The following KDM4C variants were observed in gnomAD, a reference collection of about 807,000 sequenced individuals.
The protein encoded by KDM4C is lysine demethylase 4C.
KDM4C carries 81 observed loss-of-function variants against 129.3 expected under a neutral mutation model. That is an observed-to-expected ratio of 0.63 (90% CI 0.52 to 0.75). KDM4C has a LOEUF of 0.75. Among genes scored for constraint, KDM4C ranks in the 30% least tolerant of loss-of-function variants. The pLI is 0.00. For synonymous variants in KDM4C, 573 were observed against 456.1 expected (o/e 1.26, Z -3.26); for missense variants, 1,457 against 1,304.0 (o/e 1.12, Z -1.81).
At chr9:6,950,575 G>A (rs1266822099) in intron 8 of KDM4C, among the ~76,000 whole-genome samples, 1 of 152,160 alleles carries the variant, frequency 6.6e-6, no homozygotes, top group Non-Finnish European at 1.5e-5. Context: ...TTAGCAATTA[G>A]ATGATCATCA....
intron 17 of KDM4C, among the ~76,000 whole-genome samples, chr9:7,062,133 C>T (rs188282823): frequency 3.4e-4 from 52 of 152,180 alleles, no homozygotes; most frequent in African/African-American, 1.2e-3. Context: ...ACACACTGGC[C>T]AATTTTTTGT....
intron 5 of KDM4C, among the ~76,000 whole-genome samples, chr9:6,855,860 GC>G (rs1239854797): frequency 6.6e-6 from 1 of 152,168 alleles, no homozygotes; most frequent in African/African-American, 2.4e-5. Flanking sequence ...GAGTTGGGGA[GC>G]CCCACTATTC....
Position 7,103,812 on chromosome 9 carries a change from A to ATGAC in KDM4C, c.2555_2558dup (p.Trp853Ter). 1.2e-6 allele frequency: 2 copies of ATGAC among 1,614,038 alleles called. No individual in the cohort carries two copies. Among genetic ancestry groups the ATGAC allele is most frequent in the Non-Finnish European group, 1.7e-6 (2 of 1,179,946 alleles). On this transcript the variant is annotated frameshift_variant, in exon 18 of 22. Coordinates refer to ENST00000381309, the MANE Select transcript of KDM4C (RefSeq NM_015061.6). LOFTEE classifies it high-confidence loss of function. ...GCTGCTGGGGTACTGATGGAGCCTG[A>ATGAC]TGACTGGCCTTATGTGGTGAACATT...
At chr9:7,157,386 C>G (rs925236001) in intron 19 of KDM4C, among the ~76,000 whole-genome samples, 2 of 152,184 alleles carry the variant, frequency 1.3e-5, no homozygotes, top group Non-Finnish European at 2.9e-5. Flanking sequence ...ACTTCCAATA[C>G]TATCTTGAAT....
chr9:7,025,378 A>G (rs1434279031), intron 15 of KDM4C, among the ~76,000 whole-genome samples: 1 of 151,992 alleles, frequency 6.6e-6, no homozygotes, highest in African/African-American at 2.4e-5. Context: ...AGAAGTAAGG[A>G]TATGTTCTGC....
At chr9:6,790,924 T>C (rs1471723363) in intron 1 of KDM4C, among the ~76,000 whole-genome samples, 1 of 152,154 alleles carries the variant, frequency 6.6e-6, no homozygotes, top group Non-Finnish European at 1.5e-5. Context: ...CCTGCCTACT[T>C]TCCTACTTTG....
chr9:6,777,032 A>C (rs774762647), intron 1 of KDM4C, among the ~76,000 whole-genome samples: 17 of 152,196 alleles, frequency 1.1e-4, no homozygotes, highest in Non-Finnish European at 2.2e-4. Context: ...TGTATTGTCA[A>C]CTTTTCCAGG....
chr9:7,104,026 T>C, intron 18 of KDM4C, 156 bp downstream of exon 18: 1 of 663,690 alleles, frequency 1.5e-6, no homozygotes, highest in African/African-American at 1.8e-5. Flanking sequence ...TTGCGCACTG[T>C]TATTTCCTGG....
Position 6,835,661 on chromosome 9 carries a change from AT to A in KDM4C, c.436-13840del, listed in dbSNP as rs899889978. ...AACAAGATGAGATTGGCATGGCTTT[AT>A]TTTTTGTTTTGTTTTGTTTTTGTTT... On this transcript the variant is annotated intron_variant, in intron 4 of 21. Transcript: ENST00000381309. 3 of 740,296 alleles carry A rather than the reference AT, an allele frequency of 4.1e-6. No homozygotes were observed. The Admixed American group carries it at 6.2e-5, about 15-fold the overall frequency. 45.9% of individuals were successfully genotyped at this position (740,296 alleles called of 1,614,324 possible).
intron 1 of KDM4C, among the ~76,000 whole-genome samples, chr9:6,733,652 C>G (rs1817426225): frequency 6.6e-6 from 1 of 152,188 alleles, no homozygotes; most frequent in Non-Finnish European, 1.5e-5. Flanking sequence ...GTTGTTGGAT[C>G]TCGCGCAAGA....
chr9:7,037,945 A>T (rs901704230), intron 15 of KDM4C, among the ~76,000 whole-genome samples: 4 of 152,116 alleles, frequency 2.6e-5, no homozygotes, highest in Non-Finnish European at 5.9e-5. Flanking sequence ...TGGAAAAGCC[A>T]TGCTCATTAA....
At chr9:6,931,119 C>T (rs964797394) in intron 8 of KDM4C, among the ~76,000 whole-genome samples, 3 of 151,910 alleles carry the variant, frequency 2.0e-5, no homozygotes, top group Non-Finnish European at 4.4e-5. Flanking sequence ...CCTCTCTCTT[C>T]TCACCCCCCC....
At chr9:6,811,651 A>G (rs1831169329) in intron 3 of KDM4C, among the ~76,000 whole-genome samples, 1 of 152,216 alleles carries the variant, frequency 6.6e-6, no homozygotes. Flanking sequence ...CACAGAGCCA[A>G]GTGCTTTCCA....
chr9:6,841,838 C>T (rs1836981981), intron 4 of KDM4C, among the ~76,000 whole-genome samples: 1 of 152,192 alleles, frequency 6.6e-6, no homozygotes, highest in Admixed American at 6.5e-5. Flanking sequence ...GCAGACCTTC[C>T]CTGCCATTCT....
At chr9:7,068,126 A>G (rs1248437637) in intron 17 of KDM4C, among the ~76,000 whole-genome samples, 1 of 152,218 alleles carries the variant, frequency 6.6e-6, no homozygotes, top group Non-Finnish European at 1.5e-5. Flanking sequence ...GGAGAAAATA[A>G]CTTGGGAGGA....
intron 8 of KDM4C, among the ~76,000 whole-genome samples, chr9:6,937,590 C>T (rs1364106234): frequency 6.6e-6 from 1 of 152,150 alleles, no homozygotes; most frequent in East Asian, 1.9e-4. Flanking sequence ...CTGTTGTGCA[C>T]ATGCTGCTCT....
At chr9:6,905,887 A>G (rs1218385246) in intron 8 of KDM4C, among the ~76,000 whole-genome samples, 1 of 152,168 alleles carries the variant, frequency 6.6e-6, no homozygotes, top group Non-Finnish European at 1.5e-5. Context: ...TTATGTTCAC[A>G]TTGAGGATCC....
chr9:6,856,859 G>T (rs1053419144), intron 5 of KDM4C, among the ~76,000 whole-genome samples: 1 of 148,846 alleles, frequency 6.7e-6, no homozygotes, highest in South Asian at 2.1e-4. Context: ...CCGGGTTCAC[G>T]CCATTCTCCT....
At chr9:6,833,327 A>T (rs992362821) in intron 4 of KDM4C, among the ~76,000 whole-genome samples, 10 of 152,118 alleles carry the variant, frequency 6.6e-5, no homozygotes, top group African/African-American at 2.2e-4. Flanking sequence ...TCTTCTTGAC[A>T]GGGAGTCTTT....
Sources: allele counts gnomAD v4.1 joint callset (sites outside exome capture counted in the v4.1 genomes callset), GRCh38; gene constraint gnomAD v4.1.1; transcripts MANE v1.5; gene names NCBI Gene and HGNC (gene_info 2026-07-23, HGNC 2026-07-21).